ARHGAP6: variants seen among roughly 807,000 people sequenced by gnomAD.
ARHGAP6 encodes rho GTPase-activating protein 6.
ARHGAP6 carries 16 observed loss-of-function variants against 55.7 expected under a neutral mutation model. The observed-to-expected ratio is 0.29, with a 90% CI of 0.19 to 0.44. The LOEUF is 0.44. ARHGAP6 is among the 20% of genes least tolerant of loss of function. The pLI, the probability that ARHGAP6 is intolerant of heterozygous loss-of-function variation, is 1.00. For synonymous variants in ARHGAP6, 382 were observed against 360.9 expected (o/e 1.06, Z -0.66); for missense variants, 698 against 808.9 (o/e 0.86, Z 1.66).
intron 1 of ARHGAP6, among the ~76,000 whole-genome samples, chrX:11,492,285 C>T (rs1046733756): frequency 1.8e-5 from 2 of 111,098 alleles, no homozygotes; most frequent in African/African-American, 3.3e-5. Flanking sequence ...AGTCCTTGCC[C>T]ATGCCTATGT....
At chrX:11,425,749 G>T (rs1234598378) in intron 1 of ARHGAP6, among the ~76,000 whole-genome samples, 1 of 112,309 alleles carries the variant, frequency 8.9e-6, no homozygotes, top group African/African-American at 3.2e-5. Flanking sequence ...AAATATTTTT[G>T]TAATATATTT....
chrX:11,298,209 T>C, intron 1 of ARHGAP6: 1 of 1,210,841 alleles, frequency 8.3e-7, no homozygotes, highest in Non-Finnish European at 1.1e-6. Context: ...TTAAATCAAA[T>C]GGGTTCTAAT....
At chrX:11,288,431 T>C (rs1245118125) in intron 1 of ARHGAP6, among the ~76,000 whole-genome samples, 2 of 112,379 alleles carry the variant, frequency 1.8e-5, no homozygotes, top group East Asian at 5.5e-4. Context: ...TTTTACATAA[T>C]GTATAAAGGC....
chrX:11,516,410 C>T (rs980785208), intron 1 of ARHGAP6, among the ~76,000 whole-genome samples: 20 of 111,879 alleles, frequency 1.8e-4, no homozygotes, highest in African/African-American at 6.5e-4. Flanking sequence ...ACTCCCAATT[C>T]CTCCCTCTCC....
At chrX:11,585,832 G>GC (rs1311708641) in intron 1 of ARHGAP6, among the ~76,000 whole-genome samples, 1 of 111,847 alleles carries the variant, frequency 8.9e-6, no homozygotes, top group East Asian at 2.8e-4. Flanking sequence ...AGCTGAGGAG[G>GC]CCTCAGGGAA....
intron 1 of ARHGAP6, among the ~76,000 whole-genome samples, chrX:11,490,017 G>A (rs1016196141): frequency 9.0e-6 from 1 of 111,301 alleles, no homozygotes; most frequent in Non-Finnish European, 1.9e-5. Flanking sequence ...AGGTGAAATG[G>A]AAACAAGGTA....
At chrX:11,279,065 C>T (rs2047816962) in intron 1 of ARHGAP6, among the ~76,000 whole-genome samples, 1 of 111,354 alleles carries the variant, frequency 9.0e-6, no homozygotes, top group African/African-American at 3.3e-5. Flanking sequence ...GCTGTATCTG[C>T]ATCACAGATA....
At position 11,391,331 on chromosome X, in the gene ARHGAP6, G is replaced by C. The variant is rs376885252; in HGVS notation, c.589-136624C>G. ...GCCTGTTGTGGGGTGGGCAGAGGAG[G>C]GAGGGATAGCATTAGGATATATACC... On this transcript the variant is annotated intron_variant, in intron 1 of 12. Transcript: ENST00000337414. Among the ~76,000 whole-genome samples the C allele has an allele frequency of 3.4e-4, 38 of 111,051 alleles. 1 individual carries two copies. The highest frequency in any genetic ancestry group is 1.2e-3 in the South Asian group (3 of 2,576).
chrX:11,151,182 C>T (rs2045770779), intron 10 of ARHGAP6, among the ~76,000 whole-genome samples: 1 of 111,344 alleles, frequency 9.0e-6, no homozygotes, highest in Non-Finnish European at 1.9e-5. Context: ...TTTTAAGTAC[C>T]TTTGAAGAAA....
intron 2 of ARHGAP6, among the ~76,000 whole-genome samples, chrX:11,248,233 T>C (rs1440429337): frequency 9.0e-6 from 1 of 111,271 alleles, no homozygotes; most frequent in African/African-American, 3.3e-5. Flanking sequence ...CTGCATTAGA[T>C]AGTGCTTCAG....
chrX:11,434,240 T>A (rs776451545), intron 1 of ARHGAP6, among the ~76,000 whole-genome samples: 2 of 111,906 alleles, frequency 1.8e-5, no homozygotes, highest in Admixed American at 1.9e-4. Context: ...ACATAAGGAA[T>A]TCATCCTTTA....
intron 1 of ARHGAP6, among the ~76,000 whole-genome samples, chrX:11,515,686 G>A (rs2050831559): frequency 8.9e-6 from 1 of 111,907 alleles, no homozygotes; most frequent in South Asian, 3.7e-4. Flanking sequence ...ATGTGTCATT[G>A]TCGTGGGCAC....
chrX:11,542,483 G>GAA (rs112836400), intron 1 of ARHGAP6, among the ~76,000 whole-genome samples: 49 of 103,259 alleles, frequency 4.7e-4, no homozygotes, highest in African/African-American at 1.4e-3. Context: ...TCGATAAAAA[G>GAA]AAAAAAAAAA....
At chrX:11,211,509 CG>C (rs1490316415) in intron 2 of ARHGAP6, among the ~76,000 whole-genome samples, 11 of 107,193 alleles carry the variant, frequency 1.0e-4, no homozygotes, top group African/African-American at 3.8e-4. Context: ...GGATTACAGG[CG>C]TGGGCCACTG....
At chrX:11,391,454 A>C (rs1483925269) in intron 1 of ARHGAP6, among the ~76,000 whole-genome samples, 1 of 109,098 alleles carries the variant, frequency 9.2e-6, no homozygotes, top group Non-Finnish European at 1.9e-5. Context: ...CCTAGAACTT[A>C]AAGTATGATT....
intron 1 of ARHGAP6, among the ~76,000 whole-genome samples, chrX:11,453,135 A>G (rs1473528531): frequency 1.9e-5 from 2 of 106,006 alleles, no homozygotes; most frequent in Non-Finnish European, 3.9e-5. Context: ...CTAAAATTTG[A>G]TTTGGGATTT....
At chrX:11,158,276 C>G (rs2045891637) in intron 9 of ARHGAP6, among the ~76,000 whole-genome samples, 1 of 111,414 alleles carries the variant, frequency 9.0e-6, no homozygotes, top group Admixed American at 9.6e-5. Flanking sequence ...TGGAGGTTTT[C>G]CCTGAGACTT....
chrX:11,329,382 C>A (rs981727908), intron 1 of ARHGAP6, among the ~76,000 whole-genome samples: 1 of 112,151 alleles, frequency 8.9e-6, no homozygotes, highest in Non-Finnish European at 1.9e-5. Flanking sequence ...TCAGGGGCAA[C>A]AGGAAAGAGT....
chrX:11,454,401 A>G (rs1003880789), intron 1 of ARHGAP6, among the ~76,000 whole-genome samples: 1 of 111,998 alleles, frequency 8.9e-6, no homozygotes, highest in Non-Finnish European at 1.9e-5. Context: ...GTAAAGAAAA[A>G]GAGAAAGGAC....
Sources: gnomAD v4.1 joint callset for allele counts (sites outside exome capture counted in the v4.1 genomes callset) on GRCh38, gnomAD v4.1.1 for gene constraint, MANE v1.5 for transcripts, NCBI Gene and HGNC (gene_info 2026-07-23, HGNC 2026-07-21) for gene names.